SCFD1: variants seen among roughly 807,000 people sequenced by gnomAD.
The protein encoded by SCFD1 is sec1 family domain containing 1, also known as sec1 family domain-containing protein 1.
SCFD1 carries 37 observed loss-of-function variants against 103.2 expected under a neutral mutation model. The observed-to-expected ratio is 0.36, with a 90% CI of 0.28 to 0.47. The LOEUF is 0.47. Ranked by LOEUF, SCFD1 falls within the 20% of genes least tolerant of loss-of-function variation. SCFD1 has a pLI of 1.00. For synonymous variants in SCFD1, 264 were observed against 245.0 expected (o/e 1.08, Z -0.73); for missense variants, 639 against 761.2 (o/e 0.84, Z 1.89).
Position 30,639,813 on chromosome 14 carries a change from G to A in SCFD1, c.472G>A (p.Asp158Asn), listed in dbSNP as rs201109275. ...DQYLNFITLE[D>N]DMFVLCNQNK... ...ATATCTCAATTTTATTACTTTGGAA[G>A]ATGATATGTTTGTATTATGTAATCA... The change falls in exon 6 of 25, where the codon GAT (aspartate) becomes AAT (asparagine). Residue 158 changes from aspartate to asparagine, a missense_variant. Physicochemically the swap from Asp to Asn is conservative, Grantham distance 23 (BLOSUM62 1). Coordinates refer to ENST00000458591, the MANE Select transcript of SCFD1 (RefSeq NM_016106.4). The A allele has an allele frequency of 5.8e-5, 91 of 1,580,218 alleles. 1 individual carries two copies. In the African/African-American group the frequency reaches 8.9e-4, roughly 15 times the overall value.
In SCFD1 at chr14:30,622,342, G is replaced by GCGGCGGCGGCGGCAGCGA; in HGVS notation, c.6_23dup (p.Thr8_Ala13dup). 2 of 1,569,554 alleles carry GCGGCGGCGGCGGCAGCGA rather than the reference G, an allele frequency of 1.3e-6. No homozygotes were observed. The highest frequency in any genetic ancestry group is 1.7e-6 in the Non-Finnish European group (2 of 1,158,434). ...GCAGTGGCTCGTGGGAGCCAAGATG[G>GCGGCGGCGGCGGCAGCGA]CGGCGGCGGCGGCAGCGACAGCAGC... On this transcript the variant is annotated inframe_insertion, in exon 1 of 25. Transcript: ENST00000458591.
At chr14:30,696,935 A>G (rs1160464923) in intron 15 of SCFD1, among the ~76,000 whole-genome samples, 1 of 152,200 alleles carries the variant, frequency 6.6e-6, no homozygotes, top group African/African-American at 2.4e-5. Flanking sequence ...CAGAGGAGGA[A>G]TTTATAAATA....
intron 10 of SCFD1, among the ~76,000 whole-genome samples, chr14:30,654,747 G>A (rs1304220204): frequency 6.6e-6 from 1 of 151,974 alleles, no homozygotes; most frequent in Admixed American, 6.5e-5. Flanking sequence ...CTGGATATTG[G>A]CTCTAAAGTG....
intron 10 of SCFD1, among the ~76,000 whole-genome samples, chr14:30,664,670 C>G (rs1362580588): frequency 6.6e-6 from 1 of 152,078 alleles, no homozygotes; most frequent in Non-Finnish European, 1.5e-5. Flanking sequence ...GAATGGCTAA[C>G]TAGAATAAAC....
At chr14:30,721,820 T>A in intron 21 of SCFD1, 64 bp from the exon 22 acceptor site, 1 of 1,307,154 alleles carries the variant, frequency 7.7e-7, no homozygotes, top group Non-Finnish European at 1.1e-6. Flanking sequence ...GTATTTCCCA[T>A]ACCTATTTTA....
rs1345548723 is a variant in SCFD1, at chr14:30,734,652, TG to T, written c.1837-137del. The T allele has an allele frequency of 1.5e-5, 10 of 667,338 alleles. No homozygotes were observed. In the African/African-American group the frequency reaches 1.6e-4, roughly 11 times the overall value. 41.3% of individuals were successfully genotyped at this position (667,338 alleles called of 1,614,324 possible). ...TATTTCATGCAATTTTAGGTAGATG[TG>T]TATACTAAAATCCAACAGTATCCCA... On this transcript the variant is annotated intron_variant, in intron 23 of 24. Coordinates refer to ENST00000458591, the MANE Select transcript of SCFD1 (RefSeq NM_016106.4).
intron 15 of SCFD1, 35 bp from the exon 16 acceptor site, chr14:30,700,153 T>A: frequency 6.9e-7 from 1 of 1,456,630 alleles, no homozygotes; most frequent in Non-Finnish European, 9.6e-7. Flanking sequence ...ACCACAATTA[T>A]GAAAATATTT....
At position 30,664,150 on chromosome 14, in the gene SCFD1, C is replaced by T. The variant is rs183929439; in HGVS notation, c.856-6106C>T. ...GGGGCTGACTGACACCTCATACACC[C>T]GGGCGCCCCTCTGAGATGAAGCTTC... is the stretch of plus-strand genomic sequence containing the variant. On this transcript the variant is annotated intron_variant, in intron 10 of 24. Transcript: ENST00000458591. Among the ~76,000 whole-genome samples, 343 of 152,148 alleles carry T rather than the reference C, an allele frequency of 2.3e-3. 1 individual carries two copies. Among genetic ancestry groups the T allele is most frequent in the Non-Finnish European group, 3.6e-3 (248 of 67,992 alleles).
At chr14:30,691,818 C>T (rs912176565) in intron 14 of SCFD1, among the ~76,000 whole-genome samples, 6 of 152,060 alleles carry the variant, frequency 3.9e-5, no homozygotes, top group Non-Finnish European at 7.4e-5. Context: ...TAAGTTACTA[C>T]ATCAAAAAGA....
At chr14:30,706,393 A>G (rs911153515) in intron 18 of SCFD1, among the ~76,000 whole-genome samples, 1 of 152,194 alleles carries the variant, frequency 6.6e-6, no homozygotes, top group Non-Finnish European at 1.5e-5. Flanking sequence ...TCCAAGGGGT[A>G]TAGTTTTTTT....
intron 19 of SCFD1, among the ~76,000 whole-genome samples, chr14:30,708,404 G>C (rs549333785): frequency 6.6e-6 from 1 of 152,112 alleles, no homozygotes; most frequent in East Asian, 1.9e-4. Flanking sequence ...TCATTGTTGA[G>C]CTCCCATGTG....
rs1031272398 is a variant in SCFD1, at chr14:30,628,287, T to C, written c.132+8T>C. On this transcript the variant is annotated splice_region_variant and intron_variant, in intron 2 of 24. Coordinates refer to ENST00000458591, the MANE Select transcript of SCFD1 (RefSeq NM_016106.4). ...GGAGAACCAGTATGGAAGGTAAGAG[T>C]TTATCTTAATGGGAACTGATTTCTG... 1.9e-6 allele frequency: 3 copies of C among 1,579,082 alleles called. No individual in the cohort carries two copies. Among genetic ancestry groups the C allele is most frequent in the Non-Finnish European group, 2.6e-6 (3 of 1,152,138 alleles).
Position 30,673,890 on chromosome 14 carries a change from T to C in SCFD1, c.1087-34T>C, listed in dbSNP as rs755300691. 3.4e-6 allele frequency: 5 copies of C among 1,458,812 alleles called. No individual in the cohort carries two copies. In the East Asian group the frequency reaches 1.1e-4, roughly 33 times the overall value. 90.4% of individuals were successfully genotyped at this position (1,458,812 alleles called of 1,614,324 possible). A position where few individuals can be genotyped will look rare whatever the true frequency, so the allele number is the denominator to read the frequency against. On this transcript the variant is annotated intron_variant, in intron 12 of 24. Transcript: ENST00000458591. ...ATTTTTATGCTTGTGCCTGGGATTT[T>C]TGAGTAGCTATTGAGACCTTTTTTC...
chr14:30,721,792 C>G, intron 21 of SCFD1, 92 bp from the exon 22 acceptor site: 1 of 1,031,914 alleles, frequency 9.7e-7, no homozygotes, highest in Non-Finnish European at 1.5e-6. Context: ...AAATACTTAC[C>G]TAATAGTGCA....
At chr14:30,707,876 G>A (rs1891583165) in intron 18 of SCFD1, 114 bp from the exon 19 acceptor site, 1 of 795,042 alleles carries the variant, frequency 1.3e-6, no homozygotes, top group African/African-American at 1.7e-5. Context: ...AAACAAAGGT[G>A]GTAGGTACAG....
At chr14:30,670,692 C>G (rs1888455562) in intron 11 of SCFD1, among the ~76,000 whole-genome samples, 2 of 152,168 alleles carry the variant, frequency 1.3e-5, no homozygotes, top group South Asian at 4.1e-4. Flanking sequence ...ATAAGACCAT[C>G]TCTGCCTTTC....
chr14:30,638,126 A>G lies in SCFD1; in HGVS notation c.314A>G (p.Asp105Gly), dbSNP rs775796916. 6.2e-7 allele frequency: 1 copy of G among 1,600,866 alleles called. No homozygotes were observed. Among genetic ancestry groups the G allele is most frequent in the Non-Finnish European group, 8.5e-7 (1 of 1,174,678 alleles). ...TEENIDRMCQDLRNQLYESYY... is the reference protein window; with the variant it reads ...TEENIDRMCQGLRNQLYESYY... ...ATAAAGTTTTCATTGTATTGATAGG[A>G]TCTTCGAAATCAACTATATGAATCA... The change falls in exon 5 of 25, where the codon GAT (aspartate) becomes GGT (glycine). Residue 105 changes from aspartate (D) to glycine (G), a missense_variant and splice_region_variant. Physicochemically the swap from Asp to Gly is moderately conservative, Grantham distance 94 (BLOSUM62 -1). Coordinates refer to ENST00000458591, the MANE Select transcript of SCFD1 (RefSeq NM_016106.4).
At chr14:30,702,160 C>T (rs1891124140) in intron 16 of SCFD1, 136 bp from the exon 17 acceptor site, 4 of 537,076 alleles carry the variant, frequency 7.4e-6, no homozygotes, top group East Asian at 6.2e-5. Context: ...TCACTTAAGA[C>T]GTGACTCCAC....
intron 7 of SCFD1, 89 bp downstream of exon 7, chr14:30,643,494 CACTT>C (rs1314853340): frequency 2.5e-5 from 23 of 905,424 alleles, no homozygotes; most frequent in African/African-American, 3.3e-5. Context: ...GATTCGTTCT[CACTT>C]ACCTGGATCT....
Sources: allele counts gnomAD v4.1 joint callset (sites outside exome capture counted in the v4.1 genomes callset), GRCh38; gene constraint gnomAD v4.1.1; transcripts MANE v1.5; gene names NCBI Gene and HGNC (gene_info 2026-07-23, HGNC 2026-07-21).